SCARB2: variants seen among roughly 807,000 people sequenced by gnomAD.
SCARB2 encodes scavenger receptor class B member 2, also known as lysosome membrane protein 2.
In SCARB2, 29 loss-of-function variants were observed where a neutral mutation model predicts 58.6. That is an observed-to-expected ratio of 0.49 (90% CI 0.37 to 0.67). The LOEUF is 0.67. Among genes scored for constraint, SCARB2 ranks in the 30% least tolerant of loss-of-function variants. The pLI is 0.00. For synonymous variants in SCARB2, 195 were observed against 210.1 expected, an observed-to-expected ratio of 0.93 and a Z score of 0.62; for missense variants, 488 against 578.5, an observed-to-expected ratio of 0.84 and a Z score of 1.60.
chr4:76,200,378 G>A (rs1732805198), intron 1 of SCARB2, among the ~76,000 whole-genome samples: 1 of 152,156 alleles, frequency 6.6e-6, no homozygotes, highest in African/African-American at 2.4e-5. Flanking sequence ...ATTTTTCCAC[G>A]CACAATACTG....
intron 1 of SCARB2, among the ~76,000 whole-genome samples, chr4:76,208,641 C>A (rs993490103): frequency 6.6e-5 from 10 of 152,286 alleles, no homozygotes; most frequent in African/African-American, 2.2e-4. Context: ...CTGCTTCCTG[C>A]TGACTTTCCA....
intron 3 of SCARB2, chr4:76,179,966 C>T: frequency 2.0e-6 from 1 of 510,410 alleles, no homozygotes; most frequent in Non-Finnish European, 3.6e-6. Flanking sequence ...CCAGACACCA[C>T]AAAAGGGGAA....
intron 7 of SCARB2, among the ~76,000 whole-genome samples, chr4:76,172,253 T>C (rs986445536): frequency 1.0e-4 from 15 of 150,006 alleles, no homozygotes; most frequent in Admixed American, 3.3e-4. Context: ...ATATAAACAA[T>C]TTTTTATATA....
At chr4:76,181,762 T>C (rs553188132) in intron 2 of SCARB2, among the ~76,000 whole-genome samples, 1 of 152,186 alleles carries the variant, frequency 6.6e-6, no homozygotes, top group Non-Finnish European at 1.5e-5. Flanking sequence ...GATGAGGTCT[T>C]ACTATGCTAC....
At chr4:76,211,186 GA>G (rs1191052002) in intron 1 of SCARB2, among the ~76,000 whole-genome samples, 1 of 152,144 alleles carries the variant, frequency 6.6e-6, no homozygotes, top group East Asian at 1.9e-4. Flanking sequence ...TCCTTCTTAA[GA>G]AAAAAGAAAA....
chr4:76,229,009 C>T (rs1226683807), intron 1 of SCARB2, among the ~76,000 whole-genome samples: 3 of 152,184 alleles, frequency 2.0e-5, no homozygotes, highest in African/African-American at 7.2e-5. Context: ...TCCCTAATTT[C>T]ATGGACGCTT....
At chr4:76,215,480 A>G (rs1055006210), upstream of SCARB2, among the ~76,000 whole-genome samples, 3 of 152,244 alleles carry the variant, frequency 2.0e-5, no homozygotes, top group African/African-American at 7.2e-5. Flanking sequence ...TTGGTGAGAT[A>G]GCATGATGGT....
At chr4:76,191,273 G>T (rs990686114) in intron 2 of SCARB2, among the ~76,000 whole-genome samples, 2 of 152,112 alleles carry the variant, frequency 1.3e-5, no homozygotes, top group Non-Finnish European at 2.9e-5. Flanking sequence ...TAGCAACAGG[G>T]TTCATCTTTA....
At chr4:76,230,791 C>G (rs1323536100) in intron 1 of SCARB2, among the ~76,000 whole-genome samples, 1 of 152,170 alleles carries the variant, frequency 6.6e-6, no homozygotes, top group East Asian at 1.9e-4. Context: ...GCCATTCTTA[C>G]CCACATATGC....
intron 9 of SCARB2, chr4:76,166,531 A>T (rs553525532): frequency 6.8e-6 from 4 of 590,972 alleles, no homozygotes; most frequent in Admixed American, 5.6e-5. Flanking sequence ...CTGAAGGCAG[A>T]TTCCTTAAAA....
intron 11 of SCARB2, chr4:76,162,021 T>C: frequency 3.8e-6 from 2 of 527,044 alleles, no homozygotes; most frequent in Non-Finnish European, 6.8e-6. Flanking sequence ...ACTTAGACTC[T>C]ATTCAACTTG....
intron 6 of SCARB2, chr4:76,175,528 G>C (rs1732234822): frequency 2.1e-6 from 1 of 473,184 alleles, no homozygotes. Flanking sequence ...TTACAAATAA[G>C]GAAAGTGAGG....
At chr4:76,192,694 A>G (rs1044785429) in intron 2 of SCARB2, 2 of 151,532 alleles carry the variant, frequency 1.3e-5, no homozygotes, top group African/African-American at 4.9e-5. Context: ...AAAAAAAAAA[A>G]GTTAAAAATT....
At chr4:76,173,984 G>T in intron 7 of SCARB2, 160 bp downstream of exon 7, 1 of 802,638 alleles carries the variant, frequency 1.2e-6, no homozygotes, top group Non-Finnish European at 2.1e-6. Context: ...GCCCAGGATG[G>T]ACTTGAGAAC....
chr4:76,180,381 T>C (rs1560710571), intron 3 of SCARB2: 1 of 151,776 alleles, frequency 6.6e-6, no homozygotes, highest in East Asian at 1.9e-4. Flanking sequence ...AATAAATAAA[T>C]TAATTTAATT....
rs559492615 is a variant in SCARB2 at position 76,180,028 on chromosome 4, C to A, written c.424-323G>T. On this transcript the variant is annotated intron_variant, in intron 3 of 11. Coordinates refer to ENST00000264896, the MANE Select transcript of SCARB2 (RefSeq NM_005506.4). The stretch of plus-strand genomic sequence containing the variant: ...TTGGCCACAAGGTGGCGCTACCTTC[C>A]GCCTAAGCAGGGCCAGAGGCTCATT... The A allele has an allele frequency of 2.9e-4, 113 of 390,184 alleles. 1 individual carries two copies. The highest frequency in any genetic ancestry group is 3.3e-4 in the Non-Finnish European group (68 of 205,004). 24.2% of individuals were successfully genotyped at this position (390,184 alleles called of 1,614,324 possible).
At chr4:76,234,076 C>A (rs2109987435) in intron 1 of SCARB2, among the ~76,000 whole-genome samples, 1 of 152,334 alleles carries the variant, frequency 6.6e-6, no homozygotes, top group South Asian at 2.1e-4. Context: ...GCAGAAAACA[C>A]CAGCCAGCTG....
chr4:76,179,730 C>G (rs1396731837), intron 3 of SCARB2, 25 bp from the exon 4 acceptor site: 1 of 1,582,404 alleles, frequency 6.3e-7, no homozygotes. Flanking sequence ...TATATTAAGA[C>G]AGCAGCATCC....
intron 2 of SCARB2, among the ~76,000 whole-genome samples, chr4:76,189,228 T>A (rs1166993062): frequency 6.6e-6 from 1 of 152,182 alleles, no homozygotes; most frequent in African/African-American, 2.4e-5. Flanking sequence ...CCTAAGCCAA[T>A]TATTAAAATG....
Sources: allele counts gnomAD v4.1 joint callset (sites outside exome capture counted in the v4.1 genomes callset), GRCh38; gene constraint gnomAD v4.1.1; transcripts MANE v1.5; gene names NCBI Gene and HGNC (gene_info 2026-07-23, HGNC 2026-07-21).